Variants in AMELX observed in about 807,000 individuals in gnomAD.
AMELX encodes the protein amelogenin X-linked.
A neutral mutation model predicts 15.8 loss-of-function variants in AMELX; 9 were observed. The ratio of observed to expected loss-of-function variants is 0.57; its 90% CI spans 0.34 to 0.99. AMELX has a LOEUF of 0.99. Ranked by LOEUF, AMELX falls within the 50% of genes least tolerant of loss-of-function variation. The pLI is 0.02. For synonymous variants in AMELX, 61 were observed against 58.8 expected (o/e 1.04, Z -0.17); for missense variants, 107 against 156.2 (o/e 0.68, Z 1.68).
rs372332800 is a variant in AMELX, at chrX:11,298,860, C to A, written c.457C>A (p.Pro153Thr). 7.1e-5 allele frequency: 86 copies of A among 1,208,876 alleles called. No homozygotes were observed. Among genetic ancestry groups the A allele is most frequent in the Non-Finnish European group, 8.6e-5 (77 of 894,936 alleles). Residue 153 changes from proline to threonine, a missense_variant, in exon 5 of 6, where the codon CCG (proline) becomes ACG (threonine). Transcript: ENST00000380714. ...ACCTGTGCACCCCATGCAGCCCCTG[C>A]CGCCACAGCCACCTCTGCCTCCGAT... ...QPPVHPMQPL[P>T]PQPPLPPMFP...
At chrX:11,304,786 T>G (rs1267467047), downstream of AMELX, among the ~76,000 whole-genome samples, 1 of 74,569 alleles carries the variant, frequency 1.3e-5, no homozygotes, top group Non-Finnish European at 2.6e-5. Context: ...ACTTTTTTTT[T>G]TTTTTTTTTT....
intron 4 of AMELX, 126 bp from the exon 5 acceptor site, chrX:11,298,422 A>G: frequency 8.8e-7 from 1 of 1,138,746 alleles, no homozygotes; most frequent in South Asian, 1.8e-5. Context: ...GTACACAGTT[A>G]CAAATTTTTG....
chrX:11,298,051 C>G (rs1420298573), intron 3 of AMELX, 185 bp from the exon 4 acceptor site: 61 of 1,128,526 alleles, frequency 5.4e-5, no homozygotes, highest in Non-Finnish European at 7.1e-5. Context: ...AACACAGTGC[C>G]TGTCACACAG....
At chrX:11,293,806 G>C (rs1208237941) in intron 1 of AMELX, among the ~76,000 whole-genome samples, 1 of 111,897 alleles carries the variant, frequency 8.9e-6, no homozygotes, top group Non-Finnish European at 1.9e-5. Flanking sequence ...ACATAAAATA[G>C]AACCATCCAT....
downstream of AMELX, among the ~76,000 whole-genome samples, chrX:11,304,122 C>G (rs1270410075): frequency 1.8e-5 from 2 of 109,621 alleles, no homozygotes; most frequent in Non-Finnish European, 3.8e-5. Context: ...CAGAGTCTTG[C>G]TCTGTCACCC....
the AMELX span, among the ~76,000 whole-genome samples, chrX:11,306,716 T>C: frequency 2.7e-5 from 3 of 112,406 alleles, no homozygotes; most frequent in Admixed American, 9.4e-5. Flanking sequence ...AATTAAACAA[T>C]CTATAGCTAT....
At chrX:11,302,680 CAT>C (rs2048187248), downstream of AMELX, among the ~76,000 whole-genome samples, 1 of 111,245 alleles carries the variant, frequency 9.0e-6, no homozygotes, top group African/African-American at 3.3e-5. Flanking sequence ...TAAAAAGACA[CAT>C]GTGGAGACAT....
intron 5 of AMELX, among the ~76,000 whole-genome samples, chrX:11,299,677 G>A: frequency 8.9e-6 from 1 of 111,866 alleles, no homozygotes; most frequent in East Asian, 2.8e-4. Flanking sequence ...TTACTTCTAT[G>A]TATACGAGAT....
chrX:11,298,494 T>C, intron 4 of AMELX, 54 bp from the exon 5 acceptor site: 1 of 1,201,518 alleles, frequency 8.3e-7, no homozygotes, highest in Non-Finnish European at 1.1e-6. Flanking sequence ...CTGCTGCTTC[T>C]CTGGTTGGAG....
chrX:11,298,122 T>C, intron 3 of AMELX, 114 bp from the exon 4 acceptor site: 9 of 1,211,861 alleles, frequency 7.4e-6, no homozygotes, highest in Non-Finnish European at 1.0e-5. Flanking sequence ...TCTCAGGCTA[T>C]CAATGTTGAC....
At chrX:11,299,380 C>T (rs1161036711) in intron 5 of AMELX, among the ~76,000 whole-genome samples, 1 of 111,718 alleles carries the variant, frequency 9.0e-6, no homozygotes, top group Non-Finnish European at 1.9e-5. Flanking sequence ...CAAGAGGGAG[C>T]GGATAATTTT....
chrX:11,303,132 T>C (rs1229833990), downstream of AMELX, among the ~76,000 whole-genome samples: 1 of 112,620 alleles, frequency 8.9e-6, no homozygotes, highest in Non-Finnish European at 1.9e-5. Context: ...TTCCAGAACA[T>C]AGTAGCATTT....
In AMELX at chrX:11,298,154, T is replaced by C. The variant is rs201515468; in HGVS notation, c.103-82T>C. 1.7e-5 allele frequency: 20 copies of C among 1,206,198 alleles called. No homozygotes were observed. The East Asian group carries it at 5.0e-4, about 30-fold the overall frequency. ...TGACAGGACTGCATTAGTGAGTCTATATTTCCTACTGCATCAGTGAGTTTC... is the reference window on the plus strand; with the variant it reads ...TGACAGGACTGCATTAGTGAGTCTACATTTCCTACTGCATCAGTGAGTTTC... On this transcript the variant is annotated intron_variant, in intron 3 of 5. Coordinates refer to ENST00000380714, the MANE Select transcript of AMELX (RefSeq NM_001142.2).
At chrX:11,306,685 G>A in the AMELX span, among the ~76,000 whole-genome samples, 3 of 111,999 alleles carry the variant, frequency 2.7e-5, no homozygotes, top group Non-Finnish European at 3.8e-5. Context: ...AAACTAATTC[G>A]TCATCCGCCT....
At position 11,298,673 on chromosome X, in the gene AMELX, T is replaced by A. The variant is rs762158191; in HGVS notation, c.270T>A (p.Ala90=). ...QPHHHIPVVP[A]QQPVIPQQPM... is the part of the protein sequence containing the mutation. Reference sequence around the variant, plus strand: ...ATCACCACATCCCAGTGGTGCCAGCTCAGCAGCCCGTGATCCCCCAGCAAC... The same window carrying A: ...ATCACCACATCCCAGTGGTGCCAGCACAGCAGCCCGTGATCCCCCAGCAAC... Residue 90 remains alanine, a synonymous_variant, in exon 5 of 6, where the codon GCT becomes GCA. Coordinates refer to ENST00000380714, the MANE Select transcript of AMELX (RefSeq NM_001142.2). 1 of 1,210,466 alleles carries A rather than the reference T, an allele frequency of 8.3e-7. No individual in the cohort carries two copies. The highest frequency in any genetic ancestry group is 1.1e-6 in the Non-Finnish European group (1 of 895,257).
rs757604788 is a variant in AMELX at position 11,296,280 on chromosome X, A to T, written c.55-499A>T. Among the ~76,000 whole-genome samples, 9 of 111,299 alleles carry T rather than the reference A, an allele frequency of 8.1e-5. No homozygotes were observed. In the South Asian group the frequency reaches 3.4e-3, roughly 42 times the overall value. On this transcript the variant is annotated intron_variant, in intron 2 of 5. Coordinates refer to ENST00000380714, the MANE Select transcript of AMELX (RefSeq NM_001142.2). ...TCCCTTTGATACTTAAAAGTACTTG[A>T]CCACCTCCTGATCTACAAGGGAACA... is the stretch of plus-strand genomic sequence containing the variant.
chrX:11,305,414 CAGAA>C (rs1374374596), downstream of AMELX, among the ~76,000 whole-genome samples: 2 of 112,145 alleles, frequency 1.8e-5, no homozygotes, highest in East Asian at 2.8e-4. Context: ...AACCGTCCGA[CAGAA>C]GTTAGAATAG....
intron 2 of AMELX, among the ~76,000 whole-genome samples, chrX:11,295,902 C>T (rs1437951881): frequency 8.9e-6 from 1 of 111,845 alleles, no homozygotes; most frequent in Non-Finnish European, 1.9e-5. Context: ...TTCTGCATGA[C>T]CGTCTCTCCT....
At chrX:11,295,261 A>G (rs1740412348) in intron 2 of AMELX, among the ~76,000 whole-genome samples, 1 of 110,838 alleles carries the variant, frequency 9.0e-6, no homozygotes, top group African/African-American at 3.3e-5. Context: ...AAGATTCCAA[A>G]TCTCTTCCTG....
Sources: allele counts gnomAD v4.1 joint callset (sites outside exome capture counted in the v4.1 genomes callset), GRCh38; gene constraint gnomAD v4.1.1; transcripts MANE v1.5; gene names NCBI Gene and HGNC (gene_info 2026-07-23, HGNC 2026-07-21).